The following ATL1 variants were observed in gnomAD, a reference collection of about 807,000 sequenced individuals.
ATL1 encodes atlastin GTPase 1, also known as atlastin-1.
In ATL1, 31 loss-of-function variants were observed where a neutral mutation model predicts 75.5. The observed-to-expected ratio is 0.41, with a 90% confidence interval of 0.31 to 0.55. The LOEUF (loss-of-function observed/expected upper bound fraction) is 0.55. Ranked by LOEUF, ATL1 falls within the 20% of genes least tolerant of loss-of-function variation. The pLI, the probability that ATL1 is intolerant of heterozygous loss-of-function variation, is 0.27. For missense variants in ATL1, 405 were observed against 662.6 expected (o/e 0.61, Z 4.27); for synonymous variants, 226 against 233.3 (o/e 0.97, Z 0.28).
intron 1 of ATL1, among the ~76,000 whole-genome samples, chr14:50,551,591 A>G (rs1208651420): frequency 1.3e-5 from 2 of 152,178 alleles, no homozygotes; most frequent in African/African-American, 4.8e-5. Flanking sequence ...ACTACAGACC[A>G]TTATCTCTGA....
rs150218601 is a variant in ATL1, at chr14:50,621,848, T to C, written c.996T>C (p.Tyr332=). The C allele has an allele frequency of 5.1e-6, 8 of 1,577,920 alleles. No individual in the cohort carries two copies. In the African/African-American group the frequency reaches 6.7e-5, roughly 13 times the overall value. ...CRGLVEYFKA[Y]IKIYQGEELP... Reference sequence around the variant, plus strand: ...ATCTTTTTCTTTTTTTTTAGGCTTATATAAAGATCTATCAAGGTGAAGAAT... The same window carrying C: ...ATCTTTTTCTTTTTTTTTAGGCTTACATAAAGATCTATCAAGGTGAAGAAT... The change falls in exon 10 of 14, where the codon TAT becomes TAC. Residue 332 remains tyrosine (Y), a synonymous_variant. Coordinates refer to ENST00000358385, the MANE Select transcript of ATL1 (RefSeq NM_015915.5).
chr14:50,602,564 A>C (rs2039280812), intron 6 of ATL1, among the ~76,000 whole-genome samples: 1 of 152,066 alleles, frequency 6.6e-6, no homozygotes, highest in African/African-American at 2.4e-5. Flanking sequence ...TTAGATGTCA[A>C]TACATTTCTC....
intron 1 of ATL1, among the ~76,000 whole-genome samples, chr14:50,539,674 AG>A (rs1355640952): frequency 6.6e-6 from 1 of 152,248 alleles, no homozygotes; most frequent in Non-Finnish European, 1.5e-5. Flanking sequence ...GTTTCAGTAT[AG>A]CCCTAATGGG....
intron 12 of ATL1, chr14:50,628,722 CT>C (rs1566736035): frequency 1.9e-6 from 1 of 535,814 alleles, no homozygotes; most frequent in Non-Finnish European, 3.5e-6. Context: ...ACTTTTTTTT[CT>C]TTTTTTGGGT....
At chr14:50,620,519 G>C (rs1181838844) in intron 8 of ATL1, 80 bp from the exon 9 acceptor site, 1 of 1,473,214 alleles carries the variant, frequency 6.8e-7, no homozygotes, top group Non-Finnish European at 9.4e-7. Context: ...AAATGGGGGA[G>C]ATCAAAGGAT....
intron 1 of ATL1, among the ~76,000 whole-genome samples, chr14:50,586,021 C>T (rs1275039369): frequency 6.6e-6 from 1 of 152,006 alleles, no homozygotes; most frequent in Non-Finnish European, 1.5e-5. Context: ...TATAGATGAA[C>T]AGCAATAAAG....
chr14:50,561,751 C>T (rs1392137192), intron 1 of ATL1, among the ~76,000 whole-genome samples: 1 of 152,112 alleles, frequency 6.6e-6, no homozygotes, highest in Non-Finnish European at 1.5e-5. Context: ...GATCATGAAA[C>T]TTCAGTTTTA....
chr14:50,630,131 TAACA>T, intron 13 of ATL1, 122 bp downstream of exon 13: 1 of 622,968 alleles, frequency 1.6e-6, no homozygotes, highest in Non-Finnish European at 2.6e-6. Flanking sequence ...TGGTGACTTC[TAACA>T]TTTAAATTTG....
chr14:50,560,164 C>G lies in ATL1; in HGVS notation c.-102C>G. The G allele has an allele frequency of 7.0e-7, 1 of 1,427,574 alleles. No individual in the cohort carries two copies. The highest frequency in any genetic ancestry group is 9.7e-7 in the Non-Finnish European group (1 of 1,026,590). The allele number at this position is 1,427,574 out of a possible 1,614,324, so 88.4% of individuals were successfully genotyped here. ...ATCCTCAGAGTCTGAGCGAACTGCG[C>G]CCAGCGCGGGCACGGAGCCTCCCAC... On this transcript the variant is annotated 5_prime_UTR_variant, in exon 1 of 14. Coordinates refer to ENST00000358385, the MANE Select transcript of ATL1 (RefSeq NM_015915.5).
intron 6 of ATL1, among the ~76,000 whole-genome samples, chr14:50,610,377 G>C (rs1421276119): frequency 6.6e-6 from 1 of 151,972 alleles, no homozygotes; most frequent in Non-Finnish European, 1.5e-5. Flanking sequence ...ATCACCCTAA[G>C]AATTTTTATA....
rs186565620 is a variant in ATL1 at position 50,574,989 on chromosome 14, G to A, written c.35-12842G>A. Among the ~76,000 whole-genome samples, 568 of 85,954 alleles carry A rather than the reference G, an allele frequency of 6.6e-3. 6 individuals are homozygous for A. The highest frequency in any genetic ancestry group is 0.024 in the African/African-American group (529 of 21,656). The allele number at this position is 85,954 out of a possible 152,430, so 56.4% of individuals were successfully genotyped here. ...TATATATATATATTAGCTTTTACTAGTTATGATAGCCAAAAAGACTATCTC... is the reference window on the plus strand; with the variant it reads ...TATATATATATATTAGCTTTTACTAATTATGATAGCCAAAAAGACTATCTC... On this transcript the variant is annotated intron_variant, in intron 1 of 13. Transcript: ENST00000358385.
chr14:50,577,185 G>C (rs1286428440), intron 1 of ATL1, among the ~76,000 whole-genome samples: 1 of 151,822 alleles, frequency 6.6e-6, no homozygotes, highest in Non-Finnish European at 1.5e-5. Context: ...GCCTTAGCCT[G>C]CCGAGTGGCT....
intron 6 of ATL1, among the ~76,000 whole-genome samples, chr14:50,605,247 A>G (rs2039306366): frequency 6.6e-6 from 1 of 150,520 alleles, no homozygotes; most frequent in African/African-American, 2.4e-5. Context: ...CTTCCAGTGG[A>G]TTTTCTGCCT....
intron 1 of ATL1, among the ~76,000 whole-genome samples, chr14:50,552,994 A>C (rs2038721606): frequency 6.6e-6 from 1 of 152,110 alleles, no homozygotes; most frequent in Non-Finnish European, 1.5e-5. Flanking sequence ...ATGCAACAAA[A>C]ACAAAAATAA....
Position 50,620,657 on chromosome 14 carries a change from C to T in ATL1, c.921C>T (p.Pro307=), listed in dbSNP as rs535790981. The T allele has an allele frequency of 1.7e-5, 28 of 1,613,490 alleles. No individual in the cohort carries two copies. The highest frequency in any genetic ancestry group is 1.2e-4 in the Admixed American group (7 of 60,008). Residue 307 remains proline, a synonymous_variant, in exon 9 of 14, where the codon CCC becomes CCT. Coordinates refer to ENST00000358385, the MANE Select transcript of ATL1 (RefSeq NM_015915.5). ...TACTGATTCCTTGGCTACTTAGTCC[C>T]GAGAGCCTAGATATTAAAGAGATCA... is the stretch of plus-strand genomic sequence containing the variant. ...LKILIPWLLS[P]ESLDIKEING...
intron 10 of ATL1, 60 bp downstream of exon 10, chr14:50,621,959 GT>G (rs759247008): frequency 6.7e-5 from 77 of 1,152,436 alleles, no homozygotes; most frequent in Non-Finnish European, 9.7e-5. Context: ...ATTTCTGGCT[GT>G]CAGAAATAAC....
At chr14:50,541,869 C>T (rs903659153) in intron 1 of ATL1, among the ~76,000 whole-genome samples, 15 of 151,122 alleles carry the variant, frequency 9.9e-5, no homozygotes, top group Admixed American at 4.0e-4. Context: ...TAGCTGGGTG[C>T]GGTGGCGAGT....
intron 6 of ATL1, 44 bp from the exon 7 acceptor site, chr14:50,613,215 G>T (rs762864654): frequency 7.2e-7 from 1 of 1,395,744 alleles, no homozygotes; most frequent in East Asian, 2.3e-5. Context: ...GCAAAGGGAG[G>T]CACCTTAAAG....
chr14:50,603,659 C>A (rs543684573), intron 6 of ATL1, among the ~76,000 whole-genome samples: 2 of 152,090 alleles, frequency 1.3e-5, no homozygotes, highest in Non-Finnish European at 2.9e-5. Context: ...ACAAAAAATT[C>A]TTTGATAGTG....
Sources: allele counts gnomAD v4.1 joint callset (sites outside exome capture counted in the v4.1 genomes callset), GRCh38; gene constraint gnomAD v4.1.1; transcripts MANE v1.5; gene names NCBI Gene and HGNC (gene_info 2026-07-23, HGNC 2026-07-21).